Variants in CDK14 observed in about 807,000 individuals in gnomAD.
CDK14 encodes the protein cyclin-dependent kinase 14.
Under a neutral mutation model 60.7 loss-of-function variants are expected in CDK14, and 34 were observed. The observed-to-expected ratio is 0.56, with a 90% CI of 0.43 to 0.75. The LOEUF (loss-of-function observed/expected upper bound fraction) is 0.75, where lower values mean the gene tolerates loss of function less well. CDK14 is among the 30% of genes least tolerant of loss of function. The probability of loss-of-function intolerance (pLI) is 0.00; values close to 1 mark genes in which losing one functional copy is unlikely to be tolerated. For missense variants in CDK14, 482 were observed against 564.1 expected, an observed-to-expected ratio of 0.85 and a Z score of 1.47; for synonymous variants, 197 against 203.7, an observed-to-expected ratio of 0.97 and a Z score of 0.28.
intron 14 of CDK14, among the ~76,000 whole-genome samples, chr7:91,145,842 G>A (rs1036288187): frequency 6.6e-6 from 1 of 152,162 alleles, no homozygotes; most frequent in Admixed American, 6.5e-5. Context: ...AGAGCTACCT[G>A]TTGGGTAAAT....
chr7:90,932,401 A>C (rs534028201), intron 8 of CDK14, among the ~76,000 whole-genome samples: 31 of 152,354 alleles, frequency 2.0e-4, no homozygotes, highest in Non-Finnish European at 3.7e-4. Context: ...ATAATTGTTA[A>C]AATTAGGAAA....
chr7:91,039,495 T>C (rs1797026987), intron 10 of CDK14, among the ~76,000 whole-genome samples: 1 of 152,188 alleles, frequency 6.6e-6, no homozygotes, highest in Non-Finnish European at 1.5e-5. Context: ...CCACCTCTGA[T>C]TTCCAGCCAC....
chr7:90,886,616 T>C (rs1315773591), intron 6 of CDK14, among the ~76,000 whole-genome samples: 4 of 152,178 alleles, frequency 2.6e-5, no homozygotes, highest in Non-Finnish European at 5.9e-5. Flanking sequence ...AATGAAGGGA[T>C]ATTTTTAGCT....
chr7:90,683,932 G>A (rs1448174493), intron 2 of CDK14, among the ~76,000 whole-genome samples: 3 of 145,778 alleles, frequency 2.1e-5, no homozygotes, highest in Non-Finnish European at 3.0e-5. Context: ...GTGTGTGTGT[G>A]TATGCATTCA....
At chr7:91,095,311 G>T (rs1473802155) in intron 12 of CDK14, among the ~76,000 whole-genome samples, 3 of 152,232 alleles carry the variant, frequency 2.0e-5, no homozygotes, top group African/African-American at 7.2e-5. Context: ...AAAGTGCTTG[G>T]TGGTGAGAGT....
chr7:90,666,044 C>G (rs939175377), intron 2 of CDK14, among the ~76,000 whole-genome samples: 2 of 152,156 alleles, frequency 1.3e-5, no homozygotes, highest in Admixed American at 6.5e-5. Context: ...CCTGCCTAGT[C>G]CCTGCCTTCC....
At chr7:90,675,993 A>C (rs1801191240) in intron 2 of CDK14, among the ~76,000 whole-genome samples, 1 of 152,224 alleles carries the variant, frequency 6.6e-6, no homozygotes, top group African/African-American at 2.4e-5. Flanking sequence ...TCAAGAAGGC[A>C]GTCGGGAGAC....
At chr7:90,803,124 T>A (rs1027197430) in intron 5 of CDK14, among the ~76,000 whole-genome samples, 1 of 150,942 alleles carries the variant, frequency 6.6e-6, no homozygotes, top group African/African-American at 2.4e-5. Flanking sequence ...TTTCTTGCAG[T>A]ATCTAAGATG....
intron 4 of CDK14, among the ~76,000 whole-genome samples, chr7:90,774,627 T>A (rs1230372252): frequency 6.6e-6 from 1 of 152,256 alleles, no homozygotes; most frequent in Non-Finnish European, 1.5e-5. Context: ...CTCATAATCC[T>A]CTTGTCTTAA....
At chr7:91,081,940 A>G (rs1362493855) in intron 12 of CDK14, among the ~76,000 whole-genome samples, 3 of 152,156 alleles carry the variant, frequency 2.0e-5, no homozygotes, top group Non-Finnish European at 4.4e-5. Flanking sequence ...TCATACTAGA[A>G]GTGCATAATC....
At chr7:90,878,024 T>G (rs1280115915) in intron 6 of CDK14, among the ~76,000 whole-genome samples, 1 of 151,818 alleles carries the variant, frequency 6.6e-6, no homozygotes, top group Non-Finnish European at 1.5e-5. Flanking sequence ...CTTTGCCAAC[T>G]TGATATGGTA....
At position 91,035,075 on chromosome 7, in the gene CDK14, G is replaced by A. The variant is rs566779470; in HGVS notation, c.1042-10822G>A. Among the ~76,000 whole-genome samples, 12 of 152,150 alleles carry A rather than the reference G, an allele frequency of 7.9e-5. No homozygotes were observed. The South Asian group carries it at 1.9e-3, about 24-fold the overall frequency. ...TTAGCATTGACACTGTAGAAAGTGG[G>A]GAAGGAAAGCTTTCATGACTAACTT... On this transcript the variant is annotated intron_variant, in intron 10 of 14. Coordinates refer to ENST00000380050, the MANE Select transcript of CDK14 (RefSeq NM_001287135.2).
intron 5 of CDK14, among the ~76,000 whole-genome samples, chr7:90,834,036 C>T (rs1790008412): frequency 6.6e-6 from 1 of 151,990 alleles, no homozygotes; most frequent in Non-Finnish European, 1.5e-5. Context: ...ACTAAAAGAC[C>T]CCTTGGTGGT....
intron 14 of CDK14, 140 bp downstream of exon 14, chr7:91,118,348 GAGAT>G (rs1463871456): frequency 2.2e-5 from 11 of 493,748 alleles, no homozygotes; most frequent in Middle Eastern, 3.1e-4. Flanking sequence ...CAGACCTATT[GAGAT>G]AGAATGCACT....
rs2116638104 is a variant in CDK14 at position 90,709,417 on chromosome 7, T to A, written c.124-17150T>A. 12 of 1,424,366 alleles carry A rather than the reference T, an allele frequency of 8.4e-6. No individual in the cohort carries two copies. The South Asian group carries it at 1.8e-4, about 22-fold the overall frequency. The allele number at this position is 1,424,366 out of a possible 1,614,324, so 88.2% of individuals were successfully genotyped here. A position where few individuals can be genotyped will look rare whatever the true frequency, so the allele number is the denominator to read the frequency against. ...TGAGGTGCATCCCCTTGATTAAATG[T>A]TTTTCCTCCTATGCAATCACCATTA... On this transcript the variant is annotated intron_variant, in intron 2 of 14. Transcript: ENST00000380050.
chr7:90,998,760 G>C (rs1795756992), intron 10 of CDK14, among the ~76,000 whole-genome samples: 1 of 152,120 alleles, frequency 6.6e-6, no homozygotes, highest in Admixed American at 6.5e-5. Context: ...GTGGTTGCAG[G>C]CACCTGTAGT....
intron 6 of CDK14, among the ~76,000 whole-genome samples, chr7:90,892,865 G>C (rs1340811944): frequency 2.0e-5 from 3 of 152,206 alleles, no homozygotes; most frequent in Non-Finnish European, 4.4e-5. Flanking sequence ...TGCAACCTCT[G>C]ACTGCTGGGT....
intron 14 of CDK14, among the ~76,000 whole-genome samples, chr7:91,119,043 A>G (rs1264524144): frequency 1.3e-5 from 2 of 150,786 alleles, no homozygotes; most frequent in African/African-American, 4.9e-5. Flanking sequence ...GTGTATATAT[A>G]TATACATACA....
At chr7:90,957,881 G>A (rs1794478844) in intron 9 of CDK14, among the ~76,000 whole-genome samples, 1 of 152,096 alleles carries the variant, frequency 6.6e-6, no homozygotes, top group African/African-American at 2.4e-5. Context: ...CCATAAAAGA[G>A]CCCGCATCGC....
Sources: allele counts gnomAD v4.1 joint callset (sites outside exome capture counted in the v4.1 genomes callset), GRCh38; gene constraint gnomAD v4.1.1; transcripts MANE v1.5; gene names NCBI Gene and HGNC (gene_info 2026-07-23, HGNC 2026-07-21).